The following GSDMB variants were observed in gnomAD, a reference collection of about 807,000 sequenced individuals.
GSDMB encodes the protein gasdermin-B.
Under a neutral mutation model 42.9 loss-of-function variants are expected in GSDMB, and 32 were observed. That is an observed-to-expected ratio of 0.75 (90% CI 0.56 to 1.00). The LOEUF (loss-of-function observed/expected upper bound fraction) is 1.00, where lower values mean the gene tolerates loss of function less well. Ranked by LOEUF, GSDMB falls within the 50% of genes least tolerant of loss-of-function variation. The probability of loss-of-function intolerance (pLI) is 0.00; values close to 1 mark genes in which losing one functional copy is unlikely to be tolerated. For missense variants in GSDMB, 468 were observed against 498.5 expected (o/e 0.94, Z 0.58); for synonymous variants, 175 against 193.7 (o/e 0.90, Z 0.80).
rs891265256 is a variant in GSDMB at position 39,909,861 on chromosome 17, C to T, written c.471G>A (p.Leu157=). ...TTACCGTCTCCAGAGTTTCTGTCACCAGATACAGGTTTTCTCTCGTATTAA... is the reference window on the plus strand; with the variant it reads ...TTACCGTCTCCAGAGTTTCTGTCACTAGATACAGGTTTTCTCTCGTATTAA... The part of the protein sequence containing the change: ...RSINTRENLY[L]VTETLETVKE... Residue 157 remains leucine (L), a synonymous_variant, in exon 4 of 11, where the codon CTG becomes CTA. Transcript: ENST00000418519. 2 of 1,613,630 alleles carry T rather than the reference C, an allele frequency of 1.2e-6. No individual in the cohort carries two copies. Among genetic ancestry groups the T allele is most frequent in the African/African-American group, 1.3e-5 (1 of 74,922 alleles).
intron 5 of GSDMB, 138 bp from the exon 6 acceptor site, chr17:39,908,352 T>TTTTTTG (rs1219898879): frequency 3.4e-5 from 20 of 591,962 alleles, no homozygotes; most frequent in Non-Finnish European, 5.4e-5. Flanking sequence ...AAGACAACTG[T>TTTTTTG]TTTTTGTTTT....
In GSDMB at chr17:39,917,231, A is replaced by G; in HGVS notation, c.86T>C (p.Val29Ala). The G allele has an allele frequency of 6.2e-7, 1 of 1,614,074 alleles. No individual in the cohort carries two copies. Among genetic ancestry groups the G allele is most frequent in the Non-Finnish European group, 8.5e-7 (1 of 1,179,952 alleles). The change falls in exon 2 of 11, where the codon GTT (valine) becomes GCT (alanine). Residue 29 changes from valine (V) to alanine (A), a missense_variant. Val to Ala is a moderately conservative substitution (Grantham distance 64). Transcript: ENST00000418519. Reference protein sequence around the residue: ...GGDMIAVRSLVDADRFRCFHL... With the variant: ...GGDMIAVRSLADADRFRCFHL... ...GAAGCAGCGGAATCTATCAGCATCA[A>G]CAAGGCTTCTAACGGCAATCATATC...
At chr17:39,912,249 GTCTGCCACCCTTGAA>G in intron 3 of GSDMB, 62 bp downstream of exon 3, 1 of 991,150 alleles carries the variant, frequency 1.0e-6, no homozygotes, top group East Asian at 2.5e-5. Flanking sequence ...AAAAGAGCCG[GTCTGCCACCCTTGAA>G]TCCCTTGGTG....
chr17:39,906,014 A>C, intron 8 of GSDMB, 29 bp from the exon 9 acceptor site: 2 of 1,613,466 alleles, frequency 1.2e-6, no homozygotes, highest in Non-Finnish European at 1.7e-6. Flanking sequence ...GGAGATGAGC[A>C]GCAGTCTCAC....
intron 6 of GSDMB, chr17:39,907,242 C>G: frequency 7.6e-7 from 1 of 1,309,484 alleles, no homozygotes; most frequent in Non-Finnish European, 9.8e-7. Context: ...AGAAAGGGGG[C>G]AGCATACACT....
intron 6 of GSDMB, 28 bp downstream of exon 6, chr17:39,908,148 C>T (rs542918033): frequency 1.5e-5 from 20 of 1,336,276 alleles, no homozygotes; most frequent in African/African-American, 4.3e-5. Flanking sequence ...TCTGAAATGA[C>T]GAACGGGAAG....
chr17:39,911,240 T>C (rs2063601938), intron 3 of GSDMB, among the ~76,000 whole-genome samples: 1 of 149,294 alleles, frequency 6.7e-6, no homozygotes, highest in Non-Finnish European at 1.5e-5. Context: ...GAAGAATCTC[T>C]TGAATCCAGG....
chr17:39,906,984 T>A lies in GSDMB; in HGVS notation c.704A>T (p.Lys235Met). 6.2e-7 allele frequency: 1 copy of A among 1,614,038 alleles called. No individual in the cohort carries two copies. The highest frequency in any genetic ancestry group is 8.5e-7 in the Non-Finnish European group (1 of 1,179,930). The change falls in exon 7 of 11, where the codon AAG becomes ATG. Residue 235 changes from lysine to methionine, a missense_variant. By Grantham distance (95) the Lys-to-Met change is moderately conservative. Coordinates refer to ENST00000418519, the MANE Select transcript of GSDMB (RefSeq NM_001165958.2). ...ACCTAAACAGGATGAAGCACCATCCTTCTCTGCAGAGAGAGGAAGAGTTAT... is the reference window on the plus strand; with the variant it reads ...ACCTAAACAGGATGAAGCACCATCCATCTCTGCAGAGAGAGGAAGAGTTAT... Reference protein sequence around the residue: ...RGKTKSFPEEKDGASSCLGKS... With the variant: ...RGKTKSFPEEMDGASSCLGKS...
chr17:39,906,495 A>G, intron 7 of GSDMB: 7 of 1,214,496 alleles, frequency 5.8e-6, no homozygotes, highest in Non-Finnish European at 7.7e-6. Flanking sequence ...CCCCCAGTCT[A>G]GTCCCAACCC....
In GSDMB at chr17:39,909,030, C is replaced by T. The variant is rs2063558786; in HGVS notation, c.589G>A (p.Val197Met). 2 of 1,600,150 alleles carry T rather than the reference C, an allele frequency of 1.2e-6. No individual in the cohort carries two copies. Among genetic ancestry groups the T allele is most frequent in the South Asian group, 2.3e-5 (2 of 88,444 alleles). Residue 197 changes from valine (V) to methionine (M), a missense_variant, in exon 5 of 11, where the codon GTG (valine) becomes ATG (methionine). Transcript: ENST00000418519. The stretch of plus-strand genomic sequence containing the variant: ...AGGACCCGATTTGGGGGGATGGTCA[C>T]TTCCCTTTGGCCCTAGAAAAAGGAG... The part of the protein sequence containing the change: ...LSYKHKGQRE[V>M]TIPPNRVLSY...
Position 39,909,786 on chromosome 17 carries a change from G to A in GSDMB, c.546C>T (p.Ile182=), listed in dbSNP as rs1195361231. The A allele has an allele frequency of 1.9e-6, 3 of 1,614,130 alleles. No individual in the cohort carries two copies. ...SDRQYKFWSQ[I]SQGHLSYKHK... ...GTTTATAGCTGAGATGGCCCTGAGA[G>A]ATCTGGCTCCAAAATTTATATTGCC... The change falls in exon 4 of 11, where the codon ATC becomes ATT. Residue 182 remains isoleucine, a synonymous_variant. Coordinates refer to ENST00000418519, the MANE Select transcript of GSDMB (RefSeq NM_001165958.2).
chr17:39,905,885 C>A lies in GSDMB; in HGVS notation c.989G>T (p.Arg330Leu), dbSNP rs373291897. 62 of 1,613,924 alleles carry A rather than the reference C, an allele frequency of 3.8e-5. No individual in the cohort carries two copies. The highest frequency in any genetic ancestry group is 5.3e-5 in the Non-Finnish European group (62 of 1,179,966). Residue 330 changes from arginine to leucine, a missense_variant, in exon 9 of 11, where the codon CGT (arginine) becomes CTT (leucine). Arg to Leu is a moderately radical substitution (Grantham distance 102, BLOSUM62 -2). Transcript: ENST00000418519. ...CAGGAAGTCCAGAATGGCTTTTGCACGCGCTTCTACCAAGACCCCAGCAGC... is the reference window on the plus strand; with the variant it reads ...CAGGAAGTCCAGAATGGCTTTTGCAAGCGCTTCTACCAAGACCCCAGCAGC... ...FNAAGVLVEA[R>L]AKAILDFLDA...
chr17:39,917,588 C>CCCT (rs762332399), intron 1 of GSDMB: 2 of 404,670 alleles, frequency 4.9e-6, no homozygotes, highest in African/African-American at 4.5e-5. Context: ...AGTCTCCCCG[C>CCCT]CGCCGCCCTT....
chr17:39,914,635 C>T (rs1425510741), intron 2 of GSDMB, among the ~76,000 whole-genome samples: 1 of 151,586 alleles, frequency 6.6e-6, no homozygotes, highest in African/African-American at 2.4e-5. Flanking sequence ...TGGTGGCAGG[C>T]ACCTATAATC....
chr17:39,916,693 A>G (rs989360699), intron 2 of GSDMB, among the ~76,000 whole-genome samples: 9 of 152,212 alleles, frequency 5.9e-5, no homozygotes, highest in Admixed American at 5.9e-4. Context: ...GATAAGAGGC[A>G]GAGCCAGGCT....
chr17:39,912,334 A>C lies in GSDMB; in HGVS notation c.399T>G (p.Leu133=). The C allele has an allele frequency of 1.2e-6, 2 of 1,613,584 alleles. No individual in the cohort carries two copies. Among genetic ancestry groups the C allele is most frequent in the Non-Finnish European group, 8.5e-7 (1 of 1,179,740 alleles). ...NRISQQYLAT[L]ENRKLKRELP... is the part of the protein sequence containing the mutation. ...CCCAACTCCAACCTCACCTGTTTTC[A>C]AGGGTAGCCAGATACTGCTGGGATA... Residue 133 remains leucine (L), a synonymous_variant, in exon 3 of 11, where the codon CTT becomes CTG. Transcript: ENST00000418519.
At position 39,917,042 on chromosome 17, in the gene GSDMB, G is replaced by C. The variant is rs377039874; in HGVS notation, c.235+40C>G. On this transcript the variant is annotated intron_variant, in intron 2 of 10. Transcript: ENST00000418519. ...AAGGAGATGGAGTACAAACGGTCAAGGCCTCCTGGCTGGCCACCTGTCATC... is the reference window on the plus strand; with the variant it reads ...AAGGAGATGGAGTACAAACGGTCAACGCCTCCTGGCTGGCCACCTGTCATC... 40 of 1,325,994 alleles carry C rather than the reference G, an allele frequency of 3.0e-5. No individual in the cohort carries two copies. The African/African-American group carries it at 4.6e-4, about 15-fold the overall frequency. 82.1% of individuals were successfully genotyped at this position (1,325,994 alleles called of 1,614,324 possible). A position where few individuals can be genotyped will look rare whatever the true frequency, so the allele number is the denominator to read the frequency against.
rs757200396 is a variant in GSDMB at position 39,906,218 on chromosome 17, T to C, written c.781A>G (p.Met261Val). Residue 261 changes from methionine (M) to valine (V), a missense_variant, in exon 8 of 11, where the codon ATG becomes GTG. Met to Val is a conservative substitution (Grantham distance 21, BLOSUM62 1). Transcript: ENST00000418519. ...SRNMKEKLED[M>V]ESVLKDLTEE... ...GTCAGGTCCTTGAGGACACTCTCCA[T>C]GTCCTCCAACTTCTCCTTCATGTTT... is the stretch of plus-strand genomic sequence containing the variant. The C allele has an allele frequency of 3.7e-6, 6 of 1,614,152 alleles. No individual in the cohort carries two copies. The highest frequency in any genetic ancestry group is 5.1e-6 in the Non-Finnish European group (6 of 1,179,984).
At position 39,911,603 on chromosome 17, in the gene GSDMB, A is replaced by C. The variant is rs2063610156; in HGVS notation, c.407+723T>G. Among the ~76,000 whole-genome samples, 3 of 152,150 alleles carry C rather than the reference A, an allele frequency of 2.0e-5. No homozygotes were observed. The South Asian group carries it at 6.2e-4, about 32-fold the overall frequency. ...TACTCCATGCAGGAAACATCCTCCA[A>C]GGGGTTCTTTGCTTTCCTCGTGCTT... On this transcript the variant is annotated intron_variant, in intron 3 of 10. Coordinates refer to ENST00000418519, the MANE Select transcript of GSDMB (RefSeq NM_001165958.2).
Sources: allele counts gnomAD v4.1 joint callset (sites outside exome capture counted in the v4.1 genomes callset), GRCh38; gene constraint gnomAD v4.1.1; transcripts MANE v1.5; gene names NCBI Gene and HGNC (gene_info 2026-07-23, HGNC 2026-07-21).